ADAD2: variants seen among roughly 807,000 people sequenced by gnomAD.
ADAD2 encodes the protein adenosine deaminase domain-containing protein 2.
A neutral mutation model predicts 54.5 loss-of-function variants in ADAD2; 60 were observed. The ratio of observed to expected loss-of-function variants is 1.10; its 90% CI spans 0.89 to 1.36. The LOEUF (loss-of-function observed/expected upper bound fraction) is 1.36, where lower values mean the gene tolerates loss of function less well. Among genes scored for constraint, ADAD2 ranks in the 40% most tolerant of loss-of-function variants. ADAD2 has a pLI of 0.00. For missense variants in ADAD2, 1,103 were observed against 801.3 expected, an observed-to-expected ratio of 1.38 and a Z score of -4.54; for synonymous variants, 543 against 366.2, an observed-to-expected ratio of 1.48 and a Z score of -5.51.
At chr16:84,192,967 C>G (rs2089674539) in intron 1 of ADAD2, 1 of 151,988 alleles carries the variant, frequency 6.6e-6, no homozygotes, top group Admixed American at 6.6e-5. Flanking sequence ...GCCTCAGCCT[C>G]CCGAGTAGCT....
At chr16:84,194,021 A>T in intron 1 of ADAD2, 2 of 1,591,208 alleles carry the variant, frequency 1.3e-6, no homozygotes, top group East Asian at 4.5e-5. Flanking sequence ...GTGTTCAAAT[A>T]TAGAGCCCCT....
chr16:84,195,855 C>T lies in ADAD2; in HGVS notation c.1093C>T (p.Pro365Ser), dbSNP rs758338420. Residue 365 changes from proline (P) to serine (S), a missense_variant, in exon 7 of 10, where the codon CCC becomes TCC. Transcript: ENST00000315906. ...GGAAGGTGGCCTCCCGCACAGCCCA[C>T]CCATGCGCCTGCAGGCCCATGTGCT... The part of the protein sequence containing the change: ...TSEGGLPHSP[P>S]MRLQAHVLGQ... 7 of 1,607,108 alleles carry T rather than the reference C, an allele frequency of 4.4e-6. No homozygotes were observed. The Admixed American group carries it at 6.7e-5, about 15-fold the overall frequency.
intron 1 of ADAD2, chr16:84,194,212 G>T (rs773402902): frequency 6.4e-7 from 1 of 1,564,336 alleles, no homozygotes; most frequent in Non-Finnish European, 8.7e-7. Flanking sequence ...CCCTGCTGTG[G>T]AGGAGTTGGG....
Position 84,195,120 on chromosome 16 carries a change from T to C in ADAD2, c.659T>C (p.Phe220Ser). Residue 220 changes from phenylalanine (F) to serine (S), a missense_variant, in exon 4 of 10, where the codon TTT (phenylalanine) becomes TCT (serine). Coordinates refer to ENST00000315906, the MANE Select transcript of ADAD2 (RefSeq NM_001145400.2). ...TGCGCAGCGTTGGTGAGCGCCGGCT[T>C]TGACCTCCTGTTGGACGAGCGCTCG... is the stretch of plus-strand genomic sequence containing the variant. ...QRCAALVSAG[F>S]DLLLDERSPY... is the part of the protein sequence containing the mutation. 1 of 1,613,722 alleles carries C rather than the reference T, an allele frequency of 6.2e-7. No homozygotes were observed. Among genetic ancestry groups the C allele is most frequent in the Non-Finnish European group, 8.5e-7 (1 of 1,179,992 alleles).
intron 7 of ADAD2, 23 bp downstream of exon 7, chr16:84,196,067 G>T: frequency 6.3e-7 from 1 of 1,599,340 alleles, no homozygotes; most frequent in Non-Finnish European, 8.5e-7. Context: ...TGAGGGCTGG[G>T]GGGGTGAGAA....
chr16:84,194,234 T>C, intron 1 of ADAD2: 1 of 1,556,386 alleles, frequency 6.4e-7, no homozygotes, highest in Non-Finnish European at 8.7e-7. Context: ...GAGGACTTGG[T>C]TGAATCAGCG....
rs8044351 is a variant in ADAD2 at position 84,191,199 on chromosome 16, G to T, written c.-32G>T. The T allele has an allele frequency of 1.4e-5, 22 of 1,591,682 alleles. No individual in the cohort carries two copies. The highest frequency in any genetic ancestry group is 4.1e-5 in the African/African-American group (3 of 74,022). On this transcript the variant is annotated 5_prime_UTR_variant, in exon 1 of 10. It adds an upstream start codon to the 5' untranslated region. Transcript: ENST00000315906. ...GAAAGGGCGAGAGCAGCGCGAGATA[G>T]GGCCTAGCGCCTCAGATCTTCGTTG...
At position 84,191,248 on chromosome 16, in the gene ADAD2, G is replaced by C; in HGVS notation, c.18G>C (p.Gln6His). 1.2e-6 allele frequency: 2 copies of C among 1,608,078 alleles called. No homozygotes were observed. The highest frequency in any genetic ancestry group is 8.5e-7 in the Non-Finnish European group (1 of 1,177,358). MASAS[Q>H]GADDDGSRRK... is the part of the protein sequence containing the mutation. The stretch of plus-strand genomic sequence containing the variant: ...TGGCGGCCATGGCTTCGGCTTCTCA[G>C]GGCGCTGACGACGACGGCAGTCGTA... The change falls in exon 1 of 10, where the codon CAG becomes CAC. Residue 6 changes from glutamine to histidine, a missense_variant. Coordinates refer to ENST00000315906, the MANE Select transcript of ADAD2 (RefSeq NM_001145400.2).
At chr16:84,194,297 A>G in intron 1 of ADAD2, 145 bp from the exon 2 acceptor site, 2 of 1,548,534 alleles carry the variant, frequency 1.3e-6, no homozygotes, top group Non-Finnish European at 8.7e-7. Context: ...TGGGGTGGCG[A>G]TGGAGCCTGC....
At chr16:84,191,773 G>T in intron 1 of ADAD2, 125 bp downstream of exon 1, 1 of 1,409,124 alleles carries the variant, frequency 7.1e-7, no homozygotes, top group Non-Finnish European at 9.7e-7. Flanking sequence ...GACACCGCCG[G>T]AGCAGGACCT....
Position 84,196,127 on chromosome 16 carries a change from C to T in ADAD2, c.1283C>T (p.Ala428Val), listed in dbSNP as rs1024643231. The T allele has an allele frequency of 1.2e-6, 2 of 1,602,046 alleles. No homozygotes were observed. Among genetic ancestry groups the T allele is most frequent in the African/African-American group, 2.7e-5 (2 of 74,872 alleles). ...SPLYSTSLIL[A>V]DSCHDPPTLS... ...TTGTCCTGTCCCTTCTGCCCTGCAGCTGACTCATGCCACGACCCTCCGACT... is the reference window on the plus strand; with the variant it reads ...TTGTCCTGTCCCTTCTGCCCTGCAGTTGACTCATGCCACGACCCTCCGACT... Residue 428 changes from alanine to valine, a missense_variant and splice_region_variant, in exon 8 of 10, where the codon GCT (alanine) becomes GTT (valine). By Grantham distance (64) the Ala-to-Val change is moderately conservative (BLOSUM62 0). Coordinates refer to ENST00000315906, the MANE Select transcript of ADAD2 (RefSeq NM_001145400.2).
Position 84,191,620 on chromosome 16 carries a change from C to T in ADAD2, c.390C>T (p.Phe130=). Residue 130 remains phenylalanine (F), a synonymous_variant, in exon 1 of 10, where the codon TTC becomes TTT. Transcript: ENST00000315906. ...AGTACGCGGCCAGCCTGGGCATCTT[C>T]CTGCTCTTCCGGGAGGACCAGCCAC... ...LTEYAASLGI[F]LLFREDQPPG... 6.4e-7 allele frequency: 1 copy of T among 1,555,176 alleles called. No homozygotes were observed. Among genetic ancestry groups the T allele is most frequent in the Non-Finnish European group, 8.7e-7 (1 of 1,149,634 alleles).
chr16:84,194,685 G>A lies in ADAD2; in HGVS notation c.559+103G>A, dbSNP rs751754724. On this transcript the variant is annotated intron_variant, in intron 2 of 9. Transcript: ENST00000315906. ...GAAGTGGCTGTGCGTGTGAGCAGGA[G>A]GTGGGTTGCTGTACAAACCATCTGA... is the stretch of plus-strand genomic sequence containing the variant. 2.0e-6 allele frequency: 3 copies of A among 1,526,196 alleles called. No homozygotes were observed. The Admixed American group carries it at 5.9e-5, about 30-fold the overall frequency. 94.5% of individuals were successfully genotyped at this position (1,526,196 alleles called of 1,614,324 possible). A position where few individuals can be genotyped will look rare whatever the true frequency, so the allele number is the denominator to read the frequency against.
Position 84,196,237 on chromosome 16 carries a change from C to A in ADAD2, c.1393C>A (p.His465Asn). 1 of 1,612,158 alleles carries A rather than the reference C, an allele frequency of 6.2e-7. No individual in the cohort carries two copies. The highest frequency in any genetic ancestry group is 8.5e-7 in the Non-Finnish European group (1 of 1,179,912). ...LPPPYVRTAL[H>N]LFAGPPVAPS... is the part of the protein sequence containing the mutation. ...ACCTCCCTACGTCCGGACCGCCCTG[C>A]ACCTGTTTGCAGGGCCCCCGGTGGC... Residue 465 changes from histidine (H) to asparagine (N), a missense_variant, in exon 8 of 10, where the codon CAC (histidine) becomes AAC (asparagine). By Grantham distance (68) the His-to-Asn change is moderately conservative. Coordinates refer to ENST00000315906, the MANE Select transcript of ADAD2 (RefSeq NM_001145400.2).
intron 4 of ADAD2, 49 bp from the exon 5 acceptor site, chr16:84,195,247 C>A (rs1487917204): frequency 6.2e-7 from 1 of 1,611,042 alleles, no homozygotes; most frequent in Non-Finnish European, 8.5e-7. Context: ...GAAGGGCCCC[C>A]TCAAGCTCCT....
chr16:84,193,983 C>A (rs781428906), intron 1 of ADAD2: 16 of 1,547,560 alleles, frequency 1.0e-5, no homozygotes, highest in Non-Finnish European at 1.2e-5. Flanking sequence ...ATAAGTAACA[C>A]CCAAAATGAT....
At position 84,191,327 on chromosome 16, in the gene ADAD2, C is replaced by T. The variant is rs201806694; in HGVS notation, c.97C>T (p.Arg33Ter). ...GATCAGCCCCCAGCCCCGCCCCTGG[C>T]GACCGCTACCCGCCCAGGCCCAAAG... ...LQISPQPRPW[R>*]PLPAQAQSAW... The change falls in exon 1 of 10, where the codon CGA (arginine) becomes TGA (stop). Residue 33 changes from arginine to a stop codon, truncating the protein, a stop_gained. Coordinates refer to ENST00000315906, the MANE Select transcript of ADAD2 (RefSeq NM_001145400.2). LOFTEE classifies it high-confidence loss of function. The T allele has an allele frequency of 5.1e-6, 8 of 1,583,360 alleles. No homozygotes were observed. Among genetic ancestry groups the T allele is most frequent in the Non-Finnish European group, 6.0e-6 (7 of 1,165,028 alleles).
At position 84,191,211 on chromosome 16, in the gene ADAD2, T is replaced by G; in HGVS notation, c.-20T>G. On this transcript the variant is annotated 5_prime_UTR_variant, in exon 1 of 10. Transcript: ENST00000315906. Reference sequence around the variant, plus strand: ...GCAGCGCGAGATAGGGCCTAGCGCCTCAGATCTTCGTTGGCGGCCATGGCT... The same window carrying G: ...GCAGCGCGAGATAGGGCCTAGCGCCGCAGATCTTCGTTGGCGGCCATGGCT... 2 of 1,604,918 alleles carry G rather than the reference T, an allele frequency of 1.2e-6. No homozygotes were observed. Among genetic ancestry groups the G allele is most frequent in the Non-Finnish European group, 1.7e-6 (2 of 1,175,172 alleles).
intron 4 of ADAD2, 27 bp downstream of exon 4, chr16:84,195,221 G>A: frequency 6.2e-7 from 1 of 1,610,366 alleles, no homozygotes; most frequent in Non-Finnish European, 8.5e-7. Flanking sequence ...CCCTGGCCCT[G>A]GCCCCGGCCC....
Sources: allele counts gnomAD v4.1 joint callset, GRCh38; gene constraint gnomAD v4.1.1; transcripts MANE v1.5; gene names NCBI Gene and HGNC (gene_info 2026-07-23, HGNC 2026-07-21).